DOC2B: variants seen among roughly 807,000 people sequenced by gnomAD.
DOC2B encodes double C2 domain beta, also known as double C2-like domain-containing protein beta.
DOC2B carries 21 observed loss-of-function variants against 28.9 expected under a neutral mutation model. That is an observed-to-expected ratio of 0.73 (90% CI 0.52 to 1.05). The LOEUF is 1.05. Ranked by LOEUF, DOC2B falls within the 50% of genes least tolerant of loss-of-function variation. The pLI, the probability that DOC2B is intolerant of heterozygous loss-of-function variation, is 0.00. For missense variants in DOC2B, 384 were observed against 421.1 expected (o/e 0.91, Z 0.77); for synonymous variants, 194 against 178.1 (o/e 1.09, Z -0.71).
At chr17:159,540 T>C (rs572541689) in intron 5 of DOC2B, among the ~76,000 whole-genome samples, 29 of 152,198 alleles carry the variant, frequency 1.9e-4, no homozygotes, top group African/African-American at 7.0e-4. Flanking sequence ...ATGAGAATTG[T>C]TTGAACTCAG....
intron 1 of DOC2B, among the ~76,000 whole-genome samples, chr17:174,622 G>A (rs750149713): frequency 3.3e-5 from 5 of 152,196 alleles, no homozygotes; most frequent in Admixed American, 6.5e-5. Flanking sequence ...AAGGGGACAC[G>A]AAGCAACCCC....
At chr17:158,594 A>C (rs1038165026) in intron 5 of DOC2B, among the ~76,000 whole-genome samples, 5 of 152,178 alleles carry the variant, frequency 3.3e-5, no homozygotes, top group African/African-American at 1.2e-4. Context: ...GCCACCTCAG[A>C]ATCCTTTTCA....
intron 6 of DOC2B, among the ~76,000 whole-genome samples, chr17:152,375 C>G (rs2040082449): frequency 6.6e-6 from 1 of 152,206 alleles, no homozygotes; most frequent in Non-Finnish European, 1.5e-5. Context: ...GGCACTGCTA[C>G]TCCTGGGGTT....
chr17:150,403 A>G (rs894780615), intron 6 of DOC2B, among the ~76,000 whole-genome samples: 3 of 151,860 alleles, frequency 2.0e-5, no homozygotes, highest in African/African-American at 4.8e-5. Context: ...GCCCATGTCC[A>G]GCTTAACCTG....
rs1451558501 is a variant in DOC2B, at chr17:147,189, G to C, written c.*252C>G. 8.0e-6 allele frequency: 3 copies of C among 374,578 alleles called. No homozygotes were observed. The highest frequency in any genetic ancestry group is 1.4e-5 in the Non-Finnish European group (3 of 211,338). 23.2% of individuals were successfully genotyped at this position (374,578 alleles called of 1,614,324 possible). A position where few individuals can be genotyped will look rare whatever the true frequency, so the allele number is the denominator to read the frequency against. Reference sequence around the variant, plus strand: ...CCCCTTCCCCTGGGCAGGTGCTGAGGTCTCTTTCCACCACCGGCCTCTTGG... The same window carrying C: ...CCCCTTCCCCTGGGCAGGTGCTGAGCTCTCTTTCCACCACCGGCCTCTTGG... On this transcript the variant is annotated 3_prime_UTR_variant, in exon 9 of 9. Coordinates refer to ENST00000613549, the MANE Select transcript of DOC2B (RefSeq NM_003585.5).
chr17:143,015 A>G lies in DOC2B; in HGVS notation c.*4426T>C, dbSNP rs9675217. The G allele has an allele frequency of 0.37, 55,654 of 151,952 alleles. 10,545 individuals are homozygous for G. The highest frequency in any genetic ancestry group is 0.52 in the East Asian group (2,656 of 5,148). The allele number at this position is 151,952 out of a possible 1,614,324, so 9.4% of individuals were successfully genotyped here. A position where few individuals can be genotyped will look rare whatever the true frequency, so the allele number is the denominator to read the frequency against. ...TGTCTTAAATTACCTTCCAAAACGT[A>G]AGACTCTTGGAGCCTCAGACGGGCT... On this transcript the variant is annotated 3_prime_UTR_variant, in exon 9 of 9. Coordinates refer to ENST00000613549, the MANE Select transcript of DOC2B (RefSeq NM_003585.5).
chr17:176,058 C>G (rs780693789), intron 1 of DOC2B, among the ~76,000 whole-genome samples: 7 of 152,208 alleles, frequency 4.6e-5, no homozygotes, highest in Non-Finnish European at 1.0e-4. Context: ...GGCCCAAACT[C>G]TTCATTTCCC....
intron 5 of DOC2B, among the ~76,000 whole-genome samples, chr17:158,936 T>C (rs1168184468): frequency 3.4e-5 from 5 of 148,502 alleles, no homozygotes; most frequent in African/African-American, 1.2e-4. Context: ...TCCCAGCTAT[T>C]GGGAGGCTGA....
intron 6 of DOC2B, among the ~76,000 whole-genome samples, chr17:153,914 G>A (rs1043356233): frequency 2.6e-5 from 4 of 151,922 alleles, no homozygotes; most frequent in Non-Finnish European, 5.9e-5. Context: ...TAACTTCATA[G>A]TACCACATTC....
chr17:148,870 T>G (rs1452607392), intron 7 of DOC2B, among the ~76,000 whole-genome samples: 1 of 147,528 alleles, frequency 6.8e-6, no homozygotes, highest in Non-Finnish European at 1.5e-5. Flanking sequence ...CCCTGTTGCC[T>G]CCATGAGGAA....
At chr17:156,712 T>C (rs2040140307) in intron 5 of DOC2B, among the ~76,000 whole-genome samples, 1 of 152,208 alleles carries the variant, frequency 6.6e-6, no homozygotes, top group African/African-American at 2.4e-5. Flanking sequence ...GGATGTGAGC[T>C]AAGCATGGCT....
At chr17:173,790 C>A (rs891897235) in intron 1 of DOC2B, among the ~76,000 whole-genome samples, 1 of 152,092 alleles carries the variant, frequency 6.6e-6, no homozygotes, top group Non-Finnish European at 1.5e-5. Flanking sequence ...CCAGCAGGTA[C>A]GGGCTTAGTG....
intron 5 of DOC2B, among the ~76,000 whole-genome samples, chr17:161,099 T>C (rs527511426): frequency 6.6e-6 from 1 of 152,192 alleles, no homozygotes; most frequent in Non-Finnish European, 1.5e-5. Flanking sequence ...GCCAGGGTTG[T>C]GCCCATCTCT....
chr17:178,803 C>G (rs906102380), intron 1 of DOC2B, among the ~76,000 whole-genome samples: 5 of 152,362 alleles, frequency 3.3e-5, no homozygotes, highest in South Asian at 2.1e-4. Flanking sequence ...CAGAGATAAT[C>G]CAATAATTAG....
In DOC2B at chr17:146,273, T is replaced by A. The variant is rs1296893673; in HGVS notation, c.*1168A>T. The A allele has an allele frequency of 6.6e-6, 1 of 151,632 alleles. No individual in the cohort carries two copies. Among genetic ancestry groups the A allele is most frequent in the Non-Finnish European group, 1.5e-5 (1 of 67,996 alleles). 9.4% of individuals were successfully genotyped at this position (151,632 alleles called of 1,614,324 possible). On this transcript the variant is annotated 3_prime_UTR_variant, in exon 9 of 9. Transcript: ENST00000613549. Reference sequence around the variant, plus strand: ...GAGGCCCCCAGTGTGAGCCATGGAGTGGAGGGGAGGGGAAAGGGCAGAGTC... The same window carrying A: ...GAGGCCCCCAGTGTGAGCCATGGAGAGGAGGGGAGGGGAAAGGGCAGAGTC...
intron 2 of DOC2B, 122 bp from the exon 3 acceptor site, chr17:164,326 G>A: frequency 1.4e-6 from 1 of 714,800 alleles, no homozygotes; most frequent in Non-Finnish European, 2.4e-6. Context: ...TTTCACAGAA[G>A]CCCCCGGGCC....
Position 181,397 on chromosome 17 carries a change from C to T in DOC2B, c.83G>A (p.Arg28His). Residue 28 changes from arginine to histidine, a missense_variant, in exon 1 of 9, where the codon CGT (arginine) becomes CAT (histidine). By Grantham distance (29) the Arg-to-His change is conservative (BLOSUM62 0). Transcript: ENST00000613549. The surrounding 1 kb of genome is among the most constrained non-coding windows in gnomAD (Gnocchi z 7.0). ...MAIDVCPGPI[R>H]PIKQISDYFP... ...GTAGTCGGAGATCTGCTTGATGGGA[C>T]GGATGGGGCCGGGGCACACGTCGAT... 3.4e-6 allele frequency: 4 copies of T among 1,166,038 alleles called. No individual in the cohort carries two copies. Among genetic ancestry groups the T allele is most frequent in the Non-Finnish European group, 4.3e-6 (4 of 939,826 alleles). The allele number at this position is 1,166,038 out of a possible 1,614,324, so 72.2% of individuals were successfully genotyped here.
At chr17:176,665 T>C (rs1462733565) in intron 1 of DOC2B, among the ~76,000 whole-genome samples, 1 of 152,182 alleles carries the variant, frequency 6.6e-6, no homozygotes, top group African/African-American at 2.4e-5. Context: ...CCCTCCGAGT[T>C]GGAAAAGCAC....
chr17:166,081 GCT>G (rs1179651508), intron 2 of DOC2B, among the ~76,000 whole-genome samples: 2 of 152,192 alleles, frequency 1.3e-5, no homozygotes, highest in African/African-American at 2.4e-5. Context: ...AGTGATGCCT[GCT>G]CTGTCCTTCA....
Sources: gnomAD v4.1 joint callset for allele counts (sites outside exome capture counted in the v4.1 genomes callset) on GRCh38, gnomAD v4.1.1 for gene constraint, Gnocchi (gnomAD v3.1) non-coding constraint, MANE v1.5 for transcripts, NCBI Gene and HGNC (gene_info 2026-07-23, HGNC 2026-07-21) for gene names.